Variants in ACSBG1 observed in about 807,000 individuals in gnomAD.
ACSBG1 encodes acyl-CoA synthetase bubblegum family member 1, also known as long-chain-fatty-acid--CoA ligase ACSBG1.
A neutral mutation model predicts 80.2 loss-of-function variants in ACSBG1; 39 were observed. The observed-to-expected ratio is 0.49, with a 90% CI of 0.38 to 0.64. ACSBG1 has a LOEUF of 0.64. ACSBG1 is among the 30% of genes least tolerant of loss of function. The pLI is 0.00. For synonymous variants in ACSBG1, 392 were observed against 379.5 expected (o/e 1.03, Z -0.38); for missense variants, 828 against 966.4 (o/e 0.86, Z 1.90).
At chr15:78,218,937 G>A (rs1038117255) in intron 1 of ACSBG1, among the ~76,000 whole-genome samples, 10 of 150,768 alleles carry the variant, frequency 6.6e-5, no homozygotes, top group African/African-American at 9.8e-5. Context: ...TCAGCCTCCC[G>A]AATAGCTGGG....
rs746645720 is a variant in ACSBG1 at position 78,174,516 on chromosome 15, T to C, written c.1711A>G (p.Ile571Val). 2.7e-5 allele frequency: 44 copies of C among 1,613,854 alleles called. No homozygotes were observed. The Admixed American group carries it at 6.5e-4, about 24-fold the overall frequency. The change falls in exon 12 of 14, where the codon ATC becomes GTC. Residue 571 changes from isoleucine to valine, a missense_variant. Physicochemically the swap from Ile to Val is conservative, Grantham distance 29. This residue lies in a region of ACSBG1 where 201 missense variants were observed against 227.0 expected (regional missense o/e 0.89). Coordinates refer to ENST00000258873, the MANE Select transcript of ACSBG1 (RefSeq NM_015162.5). ...GGCACATTCTCCCCACCAGCTGTGA[T>C]GATTAATTCTGGGGAGGCAAGGCCA... ...YITGRLKELI[I>V]TAGGENVPPV...
rs749838664 is a variant in ACSBG1, at chr15:78,182,078, A to G, written c.962T>C (p.Val321Ala). ...GCTGAGGGGCAGGTAGCTGACTACC[A>G]CCTCCTGCTGGACTTCTGCCGGCCG... ...DIRPAEVQQEVVVSYLPLSHI... is the reference protein window; with the variant it reads ...DIRPAEVQQEAVVSYLPLSHI... The change falls in exon 8 of 14, where the codon GTG (valine) becomes GCG (alanine). Residue 321 changes from valine (V) to alanine (A), a missense_variant. This residue lies in a region of ACSBG1 where 271 missense variants were observed against 375.9 expected (regional missense o/e 0.72). Coordinates refer to ENST00000258873, the MANE Select transcript of ACSBG1 (RefSeq NM_015162.5). The G allele has an allele frequency of 2.5e-6, 4 of 1,613,344 alleles. No homozygotes were observed. Among genetic ancestry groups the G allele is most frequent in the Non-Finnish European group, 3.4e-6 (4 of 1,179,992 alleles).
At chr15:78,220,930 GATCCAGC>G (rs1335554244) in intron 1 of ACSBG1, among the ~76,000 whole-genome samples, 1 of 152,214 alleles carries the variant, frequency 6.6e-6, no homozygotes, top group Admixed American at 6.5e-5. Context: ...GTTACCATAT[GATCCAGC>G]AATTCCACTC....
chr15:78,207,925 A>ACCACCCCCC, intron 2 of ACSBG1, 77 bp downstream of exon 2: 4 of 454,974 alleles, frequency 8.8e-6, no homozygotes, highest in Admixed American at 2.6e-5. Context: ...GGTCCCCCAC[A>ACCACCCCCC]CCACCCACCC....
chr15:78,233,697 C>T (rs1519817), intron 1 of ACSBG1, among the ~76,000 whole-genome samples: 148,823 of 152,002 alleles, frequency 0.98, 72,866 homozygotes, highest in East Asian at 1. Context: ...CGTGTGTGTG[C>T]GTGTGCGCGT....
Position 78,181,993 on chromosome 15 carries a change from G to C in ACSBG1, c.1047C>G (p.Cys349Trp). ...CCTTCAGGGCGTCGGGTTCGGCAAAGCAAACCTGGGCCCCCCACTGGATGC... is the reference window on the plus strand; with the variant it reads ...CCTTCAGGGCGTCGGGTTCGGCAAACCAAACCTGGGCCCCCCACTGGATGC... ...WTGIQWGAQV[C>W]FAEPDALKGS... Residue 349 changes from cysteine (C) to tryptophan (W), a missense_variant, in exon 8 of 14, where the codon TGC (cysteine) becomes TGG (tryptophan). Cys to Trp is a radical substitution (Grantham distance 215). Around this residue, in one of 3 missense-constraint regions of ACSBG1, gnomAD observed 271 missense variants for 375.9 expected, o/e 0.72. Coordinates refer to ENST00000258873, the MANE Select transcript of ACSBG1 (RefSeq NM_015162.5). 6.2e-7 allele frequency: 1 copy of C among 1,614,130 alleles called. No individual in the cohort carries two copies. Among genetic ancestry groups the C allele is most frequent in the Non-Finnish European group, 8.5e-7 (1 of 1,180,018 alleles).
chr15:78,209,545 C>A (rs2075250162), intron 1 of ACSBG1, among the ~76,000 whole-genome samples: 1 of 152,202 alleles, frequency 6.6e-6, no homozygotes. Flanking sequence ...TTGGTTACAG[C>A]TCTCTGGGAT....
At chr15:78,196,242 C>T (rs1330112105) in intron 2 of ACSBG1, among the ~76,000 whole-genome samples, 1 of 152,228 alleles carries the variant, frequency 6.6e-6, no homozygotes, top group East Asian at 1.9e-4. Flanking sequence ...CGTCCAATCA[C>T]TCCTCAGACC....
chr15:78,230,373 G>A (rs1319767313), intron 1 of ACSBG1, among the ~76,000 whole-genome samples: 2 of 152,138 alleles, frequency 1.3e-5, no homozygotes, highest in South Asian at 2.1e-4. Flanking sequence ...AGCCCTCCTC[G>A]GGCTCTCAGC....
At position 78,168,105 on chromosome 15, in the gene ACSBG1, C is replaced by T. The variant is rs578159895; in HGVS notation, c.*3339G>A. 1.3e-5 allele frequency: 2 copies of T among 152,064 alleles called. No homozygotes were observed. Among genetic ancestry groups the T allele is most frequent in the South Asian group, 4.2e-4 (2 of 4,806 alleles). The allele number at this position is 152,064 out of a possible 1,614,324, so 9.4% of individuals were successfully genotyped here. On this transcript the variant is annotated 3_prime_UTR_variant, in exon 14 of 14. Transcript: ENST00000258873. Reference sequence around the variant, plus strand: ...TAGAACAGATCAGTTGTATGGGAGGCTTTCTTTCCTAAAGAGGGAGGTTTA... The same window carrying T: ...TAGAACAGATCAGTTGTATGGGAGGTTTTCTTTCCTAAAGAGGGAGGTTTA...
At chr15:78,203,354 G>A (rs1595893836) in intron 2 of ACSBG1, among the ~76,000 whole-genome samples, 1 of 152,308 alleles carries the variant, frequency 6.6e-6, no homozygotes, top group African/African-American at 2.4e-5. Flanking sequence ...GACTCCAAAA[G>A]GCAACCAACG....
rs1182037748 is a variant in ACSBG1, at chr15:78,171,410, T to C, written c.*34A>G. On this transcript the variant is annotated 3_prime_UTR_variant, in exon 14 of 14. Coordinates refer to ENST00000258873, the MANE Select transcript of ACSBG1 (RefSeq NM_015162.5). ...AGGAAGAGGCTCGGAACGCCTGCCCTCTATTCTATAGAAACTGCAGGCATA... is the reference window on the plus strand; with the variant it reads ...AGGAAGAGGCTCGGAACGCCTGCCCCCTATTCTATAGAAACTGCAGGCATA... 1 of 1,586,956 alleles carries C rather than the reference T, an allele frequency of 6.3e-7. No homozygotes were observed. Among genetic ancestry groups the C allele is most frequent in the Non-Finnish European group, 8.6e-7 (1 of 1,156,222 alleles).
rs1218627598 is a variant in ACSBG1, at chr15:78,194,628, C to T, written c.331G>A (p.Glu111Lys). 4.3e-6 allele frequency: 7 copies of T among 1,614,136 alleles called. No homozygotes were observed. Among genetic ancestry groups the T allele is most frequent in the South Asian group, 2.2e-5 (2 of 91,096 alleles). ...AGGTCCCCATACTTATCCAGGGCCT[C>T]GTAGAACATCCGATGCACAGTGTAG... ...LPYTVHRMFY[E>K]ALDKYGDLIA... The change falls in exon 3 of 14, where the codon GAG becomes AAG. Residue 111 changes from glutamate to lysine, a missense_variant. Physicochemically the swap from Glu to Lys is moderately conservative, Grantham distance 56. Around this residue, in one of 3 missense-constraint regions of ACSBG1, gnomAD observed 356 missense variants for 363.5 expected, o/e 0.98. Coordinates refer to ENST00000258873, the MANE Select transcript of ACSBG1 (RefSeq NM_015162.5).
intron 3 of ACSBG1, 128 bp from the exon 4 acceptor site, chr15:78,194,148 A>C: frequency 1.1e-6 from 1 of 885,858 alleles, no homozygotes; most frequent in Non-Finnish European, 1.8e-6. Context: ...CCTCAGTCAG[A>C]GAATCCCCTT....
intron 1 of ACSBG1, among the ~76,000 whole-genome samples, chr15:78,233,110 G>A (rs1200844437): frequency 2.0e-5 from 3 of 152,210 alleles, no homozygotes; most frequent in Non-Finnish European, 2.9e-5. Context: ...ATCTGCCCTT[G>A]GGTGAGGAAG....
chr15:78,234,195 G>GC (rs1167577280), intron 1 of ACSBG1, among the ~76,000 whole-genome samples, 176 bp downstream of exon 1: 1 of 152,202 alleles, frequency 6.6e-6, no homozygotes. Context: ...ATGCTAAGTA[G>GC]CCCTCCAAAT....
In ACSBG1 at chr15:78,173,702, G is replaced by A; in HGVS notation, c.1980C>T (p.Ala660=). 6.2e-7 allele frequency: 1 copy of A among 1,614,234 alleles called. No individual in the cohort carries two copies. The highest frequency in any genetic ancestry group is 8.5e-7 in the Non-Finnish European group (1 of 1,180,048). ...TGACCCTCCGGATCCCCTCTTCGAT[G>A]GCCTGGTACACGGCCTCATCCTTCT... ...IEKKDEAVYQ[A]IEEGIRRVNM... is the part of the protein sequence containing the mutation. Residue 660 remains alanine (A), a synonymous_variant, in exon 13 of 14, where the codon GCC becomes GCT. Coordinates refer to ENST00000258873, the MANE Select transcript of ACSBG1 (RefSeq NM_015162.5).
Position 78,178,957 on chromosome 15 carries a change from T to C in ACSBG1, c.1485-126A>G. The C allele has an allele frequency of 1.0e-6, 1 of 992,190 alleles. No individual in the cohort carries two copies. The highest frequency in any genetic ancestry group is 1.4e-6 in the Non-Finnish European group (1 of 694,550). The allele number at this position is 992,190 out of a possible 1,614,324, so 61.5% of individuals were successfully genotyped here. The stretch of plus-strand genomic sequence containing the variant: ...AGAAGGTATCCCCTCACAGGGCTTT[T>C]GTATTTTTACAGGGGACTTACAGCT... On this transcript the variant is annotated intron_variant, in intron 10 of 13. Coordinates refer to ENST00000258873, the MANE Select transcript of ACSBG1 (RefSeq NM_015162.5). The surrounding 1 kb of genome is among the most constrained non-coding windows in gnomAD (Gnocchi z 4.3).
intron 1 of ACSBG1, among the ~76,000 whole-genome samples, chr15:78,224,350 C>T (rs1436509185): frequency 6.6e-6 from 1 of 152,178 alleles, no homozygotes; most frequent in Non-Finnish European, 1.5e-5. Context: ...TGATTTAATG[C>T]ACTACATTTT....
Sources: gnomAD v4.1 joint callset for allele counts (sites outside exome capture counted in the v4.1 genomes callset) on GRCh38, gnomAD v4.1.1 for gene constraint, gnomAD v4.1.1 regional missense constraint, Gnocchi (gnomAD v3.1) non-coding constraint, MANE v1.5 for transcripts, NCBI Gene and HGNC (gene_info 2026-07-23, HGNC 2026-07-21) for gene names.